The following PTPRC variants were observed in gnomAD, a reference collection of about 807,000 sequenced individuals.
The protein encoded by PTPRC is protein tyrosine phosphatase receptor type C, also known as receptor-type tyrosine-protein phosphatase C.
PTPRC carries 44 observed loss-of-function variants against 155.9 expected under a neutral mutation model. The observed-to-expected ratio is 0.28, with a 90% CI of 0.22 to 0.36. PTPRC has a LOEUF of 0.36. PTPRC is among the 10% of genes least tolerant of loss of function. The pLI, the probability that PTPRC is intolerant of heterozygous loss-of-function variation, is 1.00. For missense variants in PTPRC, 1,401 were observed against 1,564.6 expected (o/e 0.90, Z 1.76); for synonymous variants, 525 against 533.1 (o/e 0.98, Z 0.21).
chr1:198,735,046 G>A, intron 22 of PTPRC, 81 bp from the exon 23 acceptor site: 1 of 1,270,834 alleles, frequency 7.9e-7, no homozygotes, highest in South Asian at 1.4e-5. Context: ...TATAGGTTTT[G>A]TTTTCACTGT....
rs971081490 is a variant in PTPRC at position 198,643,536 on chromosome 1, T to G, written c.73+4195T>G. 5.3e-5 allele frequency among the ~76,000 whole-genome samples: 8 copies of G among 151,904 alleles called. 1 individual carries two copies. In the South Asian group the frequency reaches 1.7e-3, roughly 31 times the overall value. Reference sequence around the variant, plus strand: ...GATGTTTACAGTCTTGCCTTTTTGTTTTTGTTTGTTTGTTTGTTTGTTTTT... The same window carrying G: ...GATGTTTACAGTCTTGCCTTTTTGTGTTTGTTTGTTTGTTTGTTTGTTTTT... On this transcript the variant is annotated intron_variant, in intron 2 of 32. Coordinates refer to ENST00000442510, the MANE Select transcript of PTPRC (RefSeq NM_002838.5).
rs537270376 is a variant in PTPRC, at chr1:198,657,584, T to A, written c.73+18243T>A. On this transcript the variant is annotated intron_variant, in intron 2 of 32. Transcript: ENST00000442510. ...GTTTTCATTTTACTTCTCTTGCTGC[T>A]TTTGGGCTCTGACTGGGCCCGGAAG... is the stretch of plus-strand genomic sequence containing the variant. 3.9e-5 allele frequency: 6 copies of A among 152,356 alleles called. No individual in the cohort carries two copies. In the South Asian group the frequency reaches 1.2e-3, roughly 32 times the overall value. The allele number at this position is 152,356 out of a possible 1,614,324, so 9.4% of individuals were successfully genotyped here.
chr1:198,677,524 T>A (rs1490500629), intron 2 of PTPRC, among the ~76,000 whole-genome samples: 1 of 151,934 alleles, frequency 6.6e-6, no homozygotes, highest in Non-Finnish European at 1.5e-5. Context: ...AACATATCCC[T>A]CTTAACTTAG....
intron 2 of PTPRC, among the ~76,000 whole-genome samples, chr1:198,658,494 T>A (rs145529137): frequency 6.6e-6 from 1 of 152,180 alleles, no homozygotes; most frequent in Admixed American, 6.5e-5. Flanking sequence ...ATGATAAGGA[T>A]AACGTAGAAT....
chr1:198,676,601 G>T (rs1664967397), intron 2 of PTPRC, among the ~76,000 whole-genome samples: 1 of 152,136 alleles, frequency 6.6e-6, no homozygotes, highest in African/African-American at 2.4e-5. Flanking sequence ...TAGAATCACA[G>T]GTGACAGGTC....
intron 12 of PTPRC, among the ~76,000 whole-genome samples, chr1:198,715,684 T>A (rs1653552940): frequency 6.6e-6 from 1 of 152,088 alleles, no homozygotes; most frequent in South Asian, 2.1e-4. Context: ...TCTCTGTGGC[T>A]CAGTTTTGTC....
intron 22 of PTPRC, among the ~76,000 whole-genome samples, chr1:198,734,770 G>A (rs1018309530): frequency 2.6e-5 from 4 of 151,638 alleles, no homozygotes; most frequent in Admixed American, 2.0e-4. Flanking sequence ...GGGCAGATAG[G>A]TGGTGAGTCA....
Position 198,735,138 on chromosome 1 carries a change from A to G in PTPRC, c.2289A>G (p.Ala763=). 9 of 1,601,738 alleles carry G rather than the reference A, an allele frequency of 5.6e-6. No individual in the cohort carries two copies. Among genetic ancestry groups the G allele is most frequent in the Non-Finnish European group, 7.7e-6 (9 of 1,172,934 alleles). ...RCEEGNRNKC[A]EYWPSMEEGT... is the part of the protein sequence containing the mutation. The stretch of plus-strand genomic sequence containing the variant: ...TTTTTAAAATGTAGAACAAGTGTGC[A>G]GAATACTGGCCGTCAATGGAAGAGG... The change falls in exon 23 of 33, where the codon GCA becomes GCG. Residue 763 remains alanine (A), a synonymous_variant. Coordinates refer to ENST00000442510, the MANE Select transcript of PTPRC (RefSeq NM_002838.5).
chr1:198,651,160 G>T (rs547943087), intron 2 of PTPRC, among the ~76,000 whole-genome samples: 8 of 151,766 alleles, frequency 5.3e-5, no homozygotes, highest in Admixed American at 2.0e-4. Context: ...TATATTGAGA[G>T]ACTAAAGAAT....
intron 23 of PTPRC, 52 bp from the exon 24 acceptor site, chr1:198,741,817 C>T: frequency 6.4e-7 from 1 of 1,552,712 alleles, no homozygotes; most frequent in South Asian, 1.1e-5. Flanking sequence ...ATTTATGTTT[C>T]ATAGTTTGCT....
At chr1:198,647,530 A>T (rs1663006398) in intron 2 of PTPRC, among the ~76,000 whole-genome samples, 1 of 151,974 alleles carries the variant, frequency 6.6e-6, no homozygotes, top group African/African-American at 2.4e-5. Context: ...AAATAGAAGG[A>T]AAAAGAAATT....
chr1:198,742,370 A>G lies in PTPRC; in HGVS notation c.2697+3A>G. ...GATGCCTGATGGTTCAAGTAGAGGT[A>G]TGTTCTAACCTTTAGTGATTATTCT... On this transcript the variant is annotated splice_donor_region_variant and intron_variant, in intron 25 of 32. Coordinates refer to ENST00000442510, the MANE Select transcript of PTPRC (RefSeq NM_002838.5). The G allele has an allele frequency of 6.2e-7, 1 of 1,611,818 alleles. No individual in the cohort carries two copies.
intron 2 of PTPRC, among the ~76,000 whole-genome samples, chr1:198,687,106 G>C (rs866535838): frequency 6.6e-6 from 1 of 152,074 alleles, no homozygotes; most frequent in South Asian, 2.1e-4. Context: ...ACACTCATGG[G>C]CGTAGCCTCC....
In PTPRC at chr1:198,728,356, G is replaced by T. The variant is rs112713919; in HGVS notation, c.1737G>T (p.Leu579=). Residue 579 remains leucine, a synonymous_variant, in exon 16 of 33, where the codon CTG becomes CTT. Transcript: ENST00000442510. ...HHSTSYNSKA[L]IAFLAFLIIV... is the part of the protein sequence containing the mutation. ...CATTTCTAGATAATTCTAAGGCACT[G>T]ATAGCATTTCTGGCATTTCTGATTA... 2.0e-5 allele frequency: 33 copies of T among 1,612,696 alleles called. 1 individual carries two copies. In the African/African-American group the frequency reaches 2.9e-4, roughly 14 times the overall value.
At chr1:198,754,242 A>AT (rs1655519225) in intron 31 of PTPRC, 27 bp from the exon 32 acceptor site, 1 of 1,593,474 alleles carries the variant, frequency 6.3e-7, no homozygotes, top group African/African-American at 1.3e-5. Flanking sequence ...AAGTAGGATT[A>AT]TTTTCTATCT....
chr1:198,670,867 C>A (rs921888763), intron 2 of PTPRC, among the ~76,000 whole-genome samples: 2 of 151,932 alleles, frequency 1.3e-5, no homozygotes, highest in South Asian at 2.1e-4. Flanking sequence ...TGACGAAATA[C>A]AACAATACAT....
At chr1:198,724,235 G>A (rs1202881571) in intron 15 of PTPRC, among the ~76,000 whole-genome samples, 1 of 152,112 alleles carries the variant, frequency 6.6e-6, no homozygotes, top group Non-Finnish European at 1.5e-5. Context: ...TTTTAAAATA[G>A]TGATATCTGT....
intron 23 of PTPRC, among the ~76,000 whole-genome samples, chr1:198,741,051 A>G (rs1250170886): frequency 6.6e-6 from 1 of 151,844 alleles, no homozygotes; most frequent in African/African-American, 2.4e-5. Context: ...GTTTCTGGCC[A>G]AACACTTGTT....
chr1:198,745,067 AC>A (rs1161921815), intron 26 of PTPRC, among the ~76,000 whole-genome samples: 1 of 151,822 alleles, frequency 6.6e-6, no homozygotes. Flanking sequence ...TGATAAATTA[AC>A]CTTATTCAAT....
Sources: allele counts gnomAD v4.1 joint callset (sites outside exome capture counted in the v4.1 genomes callset), GRCh38; gene constraint gnomAD v4.1.1; transcripts MANE v1.5; gene names NCBI Gene and HGNC (gene_info 2026-07-23, HGNC 2026-07-21).